The following DALRD3 variants were observed in gnomAD, a reference collection of about 807,000 sequenced individuals.
DALRD3 encodes the protein DALR anticodon-binding domain-containing protein 3.
A neutral mutation model predicts 56.7 loss-of-function variants in DALRD3; 47 were observed. That is an observed-to-expected ratio of 0.83 (90% confidence interval 0.66 to 1.06). The LOEUF is 1.06. Among genes scored for constraint, DALRD3 ranks in the 50% least tolerant of loss-of-function variants. The pLI is 0.00. For missense variants in DALRD3, 787 were observed against 724.0 expected (o/e 1.09, Z -1.00); for synonymous variants, 347 against 308.5 (o/e 1.12, Z -1.31).
In DALRD3 at chr3:49,016,151, C is replaced by T; in HGVS notation, c.1329+7G>A. ...TCCTTGTGCCAGCTACCAGGAGGGACACTCACCTCATCATGTAGCAGTGAG... is the reference window on the plus strand; with the variant it reads ...TCCTTGTGCCAGCTACCAGGAGGGATACTCACCTCATCATGTAGCAGTGAG... On this transcript the variant is annotated splice_region_variant and intron_variant, in intron 9 of 11. Transcript: ENST00000341949. 1 of 1,613,610 alleles carries T rather than the reference C, an allele frequency of 6.2e-7. No individual in the cohort carries two copies. The highest frequency in any genetic ancestry group is 8.5e-7 in the Non-Finnish European group (1 of 1,179,636).
At chr3:49,020,149 A>G (rs749069156), upstream of DALRD3, 1 of 534,060 alleles carries the variant, frequency 1.9e-6, no homozygotes, top group East Asian at 5.5e-5. Context: ...GGAGGCGCCG[A>G]AAGAGCACTG....
rs1325578354 is a variant in DALRD3 at position 49,017,245 on chromosome 3, T to C, written c.910A>G (p.Lys304Glu). The change falls in exon 5 of 12, where the codon AAG becomes GAG. Residue 304 changes from lysine to glutamate, a missense_variant. Transcript: ENST00000341949. ...TAACCTACCTGTCTGAGTGGAGCCT[T>C]GTCAACCAACTTCTGCCAAAGCAGG... ...LDLLWQKLVD[K>E]APLRQKHLIC... 1.2e-6 allele frequency: 2 copies of C among 1,614,190 alleles called. No homozygotes were observed. Among genetic ancestry groups the C allele is most frequent in the South Asian group, 2.2e-5 (2 of 91,084 alleles).
chr3:49,016,552 G>A (rs772615625), intron 7 of DALRD3, 41 bp from the exon 8 acceptor site: 4 of 1,602,188 alleles, frequency 2.5e-6, no homozygotes, highest in African/African-American at 1.3e-5. Flanking sequence ...TGCAGGCAAG[G>A]GCAGGGATGC....
In DALRD3 at chr3:49,018,192, C is replaced by G; in HGVS notation, c.292G>C (p.Val98Leu). The stretch of plus-strand genomic sequence containing the variant: ...GCATAGGCGGCCACGGCGCTGAGGA[C>G]GCGCTCGAAGACGGCGGACCGCTGC... ...QLQRSAVFER[V>L]LSAVAAYATP... The change falls in exon 2 of 12, where the codon GTC (valine) becomes CTC (leucine). Residue 98 changes from valine to leucine, a missense_variant. By Grantham distance (32) the Val-to-Leu change is conservative. Coordinates refer to ENST00000341949, the MANE Select transcript of DALRD3 (RefSeq NM_001009996.3). The G allele has an allele frequency of 6.9e-7, 1 of 1,448,462 alleles. No homozygotes were observed. Among genetic ancestry groups the G allele is most frequent in the Non-Finnish European group, 9.0e-7 (1 of 1,112,474 alleles). 89.7% of individuals were successfully genotyped at this position (1,448,462 alleles called of 1,614,324 possible).
chr3:49,015,696 T>C lies in DALRD3; in HGVS notation c.1524A>G (p.Pro508=). The C allele has an allele frequency of 6.2e-7, 1 of 1,614,058 alleles. No individual in the cohort carries two copies. Among genetic ancestry groups the C allele is most frequent in the Non-Finnish European group, 8.5e-7 (1 of 1,180,012 alleles). The change falls in exon 12 of 12, where the codon CCA becomes CCG. Residue 508 remains proline, a synonymous_variant. Coordinates refer to ENST00000341949, the MANE Select transcript of DALRD3 (RefSeq NM_001009996.3). ...GGACGAACATCTGACCAAAGAGGTG[T>C]GGTCGAGGCTCCTGAAAGAGAAAGG... ...NRVHILGEPR[P]HLFGQMFVRL... is the part of the protein sequence containing the mutation.
chr3:49,021,380 G>A (rs2093155213), upstream of DALRD3: 2 of 152,810 alleles, frequency 1.3e-5, 1 homozygote, highest in Admixed American at 1.3e-4. This position sits in a 1 kb window ranked among gnomAD's most constrained non-coding sequence, Gnocchi z 4.1. Flanking sequence ...CAGGACGCGA[G>A]CAGAGTGAAC....
At chr3:49,020,615 C>T (rs1466474049), upstream of DALRD3, 1 of 485,014 alleles carries the variant, frequency 2.1e-6, no homozygotes, top group Non-Finnish European at 4.3e-6. Flanking sequence ...CAGGGCGCTG[C>T]TCAGGCAGGA....
At chr3:49,018,695 G>A (rs1196608627), upstream of DALRD3, 4 of 1,408,578 alleles carry the variant, frequency 2.8e-6, no homozygotes, top group East Asian at 5.5e-5. Context: ...TGGTAGCCCT[G>A]TCGGCTGCTT....
rs150379594 is a variant in DALRD3 at position 49,015,700 on chromosome 3, C to T, written c.1520G>A (p.Arg507Gln). 67 of 1,613,858 alleles carry T rather than the reference C, an allele frequency of 4.2e-5. No individual in the cohort carries two copies. Among genetic ancestry groups the T allele is most frequent in the Admixed American group, 1.7e-4 (10 of 59,980 alleles). The change falls in exon 12 of 12, where the codon CGA becomes CAA. Residue 507 changes from arginine to glutamine, a missense_variant. By Grantham distance (43) the Arg-to-Gln change is conservative (BLOSUM62 1). Coordinates refer to ENST00000341949, the MANE Select transcript of DALRD3 (RefSeq NM_001009996.3). ...GAACATCTGACCAAAGAGGTGTGGT[C>T]GAGGCTCCTGAAAGAGAAAGGGCCT... is the stretch of plus-strand genomic sequence containing the variant. ...YNRVHILGEP[R>Q]PHLFGQMFVR... is the part of the protein sequence containing the mutation.
intron 1 of DALRD3, 41 bp from the exon 2 acceptor site, chr3:49,018,359 C>A (rs2093116680): frequency 6.6e-7 from 1 of 1,522,590 alleles, no homozygotes; most frequent in Admixed American, 2.1e-5. Flanking sequence ...CGGCACGGGG[C>A]CCATCTCCCG....
intron 4 of DALRD3, 28 bp from the exon 5 acceptor site, chr3:49,017,384 A>C: frequency 6.2e-7 from 1 of 1,614,156 alleles, no homozygotes; most frequent in Non-Finnish European, 8.5e-7. Flanking sequence ...TAACTGTGGA[A>C]GTACAGTATA....
upstream of DALRD3, among the ~76,000 whole-genome samples, chr3:49,019,480 T>A (rs1461253748): frequency 1.4e-5 from 2 of 138,194 alleles, no homozygotes; most frequent in Non-Finnish European, 3.1e-5. Context: ...ATTACCAGAC[T>A]TTTTTTTTTT....
chr3:49,016,581 C>T, intron 7 of DALRD3, 31 bp downstream of exon 7: 2 of 1,591,184 alleles, frequency 1.3e-6, no homozygotes, highest in Non-Finnish European at 1.7e-6. Context: ...TGCCCCTAAC[C>T]CAGAACATAG....
rs369611449 is a variant in DALRD3, at chr3:49,015,804, C to T, written c.1512G>A (p.Gly504=). The change falls in exon 11 of 12, where the codon GGG becomes GGA. Residue 504 remains glycine, a splice_region_variant and synonymous_variant. Coordinates refer to ENST00000341949, the MANE Select transcript of DALRD3 (RefSeq NM_001009996.3). ...CCACCCCATTTTGCTGTGTGCTCAC[C>T]CCCAGGATGTGTACCCGGTTGTAGT... ...SSYYNRVHIL[G]EPRPHLFGQM... 29 of 1,614,152 alleles carry T rather than the reference C, an allele frequency of 1.8e-5. No homozygotes were observed. Among genetic ancestry groups the T allele is most frequent in the Non-Finnish European group, 2.5e-5 (29 of 1,180,036 alleles).
rs71324930 is a variant in DALRD3, at chr3:49,016,883, C to T, written c.928-36G>A. On this transcript the variant is annotated intron_variant, in intron 5 of 11. Coordinates refer to ENST00000341949, the MANE Select transcript of DALRD3 (RefSeq NM_001009996.3). ...GATGTCAGGGGCTCAGCCTAGTTGG[C>T]GCTACTCTCCAGGAAGTCCCTTGAG... 3,458 of 1,612,902 alleles carry T rather than the reference C, an allele frequency of 2.1e-3. 9 individuals carry two copies. Among genetic ancestry groups the T allele is most frequent in the East Asian group, 3.4e-3 (153 of 44,882 alleles).
chr3:49,018,543 C>T lies in DALRD3; in HGVS notation c.22G>A (p.Val8Ile), dbSNP rs1322776326. 3.2e-6 allele frequency: 5 copies of T among 1,578,530 alleles called. No individual in the cohort carries two copies. Among genetic ancestry groups the T allele is most frequent in the Non-Finnish European group, 3.4e-6 (4 of 1,163,166 alleles). ...TTGAGGGCCCCCAGCGTCTCCCCGA[C>T]CCCAAGGCGCCTGGTCGCCATGGTG... MATRRLGVGETLGALNAA... is the reference protein window; with the variant it reads MATRRLGIGETLGALNAA... The change falls in exon 1 of 12, where the codon GTC becomes ATC. Residue 8 changes from valine (V) to isoleucine (I), a missense_variant. Val to Ile is a conservative substitution (Grantham distance 29). Coordinates refer to ENST00000341949, the MANE Select transcript of DALRD3 (RefSeq NM_001009996.3).
In DALRD3 at chr3:49,018,273, CG is replaced by C; in HGVS notation, c.210del (p.Gly71ValfsTer64). 6.9e-7 allele frequency: 1 copy of C among 1,445,378 alleles called. No individual in the cohort carries two copies. 89.5% of individuals were successfully genotyped at this position (1,445,378 alleles called of 1,614,324 possible). A position where few individuals can be genotyped will look rare whatever the true frequency, so the allele number is the denominator to read the frequency against. On this transcript the variant is annotated frameshift_variant, in exon 2 of 12. Transcript: ENST00000341949. LOFTEE classifies it high-confidence loss of function. Reference sequence around the variant, plus strand: ...GCGCAGCGCAGCACCGGGGCCACACCGGGGCCCTGCAGGCAGGCGAGGGCAT... The same window carrying C: ...GCGCAGCGCAGCACCGGGGCCACACCGGGCCCTGCAGGCAGGCGAGGGCAT... ...LLHALACLQG[P>X]GVAPVLRCAP...
intron 3 of DALRD3, 32 bp downstream of exon 3, chr3:49,017,581 C>G (rs2093103131): frequency 6.2e-7 from 1 of 1,613,894 alleles, no homozygotes; most frequent in East Asian, 2.2e-5. Context: ...CCCCTCCTGC[C>G]TTTTCTGGCC....
chr3:49,017,342 A>C lies in DALRD3; in HGVS notation c.813T>G (p.Asp271Glu). 2 of 1,614,228 alleles carry C rather than the reference A, an allele frequency of 1.2e-6. No individual in the cohort carries two copies. The highest frequency in any genetic ancestry group is 1.7e-6 in the Non-Finnish European group (2 of 1,180,036). Residue 271 changes from aspartate (D) to glutamate (E), a missense_variant, in exon 5 of 12, where the codon GAT (aspartate) becomes GAG (glutamate). By Grantham distance (45) the Asp-to-Glu change is conservative. Transcript: ENST00000341949. The part of the protein sequence containing the change: ...DSHPGLAGAS[D>E]TGTGGCLVVH... ...CAACCAGGCAGCCGCCTGTACCAGT[A>C]TCTGAGGCCCCAGCCTAAGGGAGGA...
Sources: gnomAD v4.1 joint callset for allele counts (sites outside exome capture counted in the v4.1 genomes callset) on GRCh38, gnomAD v4.1.1 for gene constraint, Gnocchi (gnomAD v3.1) non-coding constraint, MANE v1.5 for transcripts, NCBI Gene and HGNC (gene_info 2026-07-23, HGNC 2026-07-21) for gene names.